The following RYR2 variants were observed in gnomAD, a reference collection of about 807,000 sequenced individuals.
RYR2 encodes the protein cardiac muscle ryanodine receptor-calcium release channel.
RYR2 carries 227 observed loss-of-function variants against 601.1 expected under a neutral mutation model. The observed-to-expected ratio is 0.38, with a 90% CI of 0.34 to 0.42. The LOEUF (loss-of-function observed/expected upper bound fraction) is 0.42. RYR2 is among the 10% of genes least tolerant of loss of function. The pLI is 1.00. For missense variants in RYR2, 4,646 were observed against 6,156.5 expected, an observed-to-expected ratio of 0.75 and a Z score of 8.21; for synonymous variants, 2,223 against 2,175.1, an observed-to-expected ratio of 1.02 and a Z score of -0.61.
chr1:237,140,025 T>C (rs1673215358), intron 1 of RYR2, among the ~76,000 whole-genome samples: 1 of 152,228 alleles, frequency 6.6e-6, no homozygotes, highest in Non-Finnish European at 1.5e-5. Flanking sequence ...TGTCTGACTC[T>C]AACACATTTG....
intron 1 of RYR2, among the ~76,000 whole-genome samples, chr1:237,074,984 T>C (rs1484807114): frequency 2.0e-5 from 3 of 152,060 alleles, no homozygotes; most frequent in East Asian, 1.9e-4. Context: ...TGATTCCACA[T>C]GTTTGGGAGC....
chr1:237,381,048 A>G (rs1282276286), intron 8 of RYR2, among the ~76,000 whole-genome samples: 1 of 152,046 alleles, frequency 6.6e-6, no homozygotes, highest in African/African-American at 2.4e-5. Context: ...ATTGCATTCC[A>G]GCCTGGGCGA....
At chr1:237,107,981 G>A (rs532528949) in intron 1 of RYR2, among the ~76,000 whole-genome samples, 123 of 152,272 alleles carry the variant, frequency 8.1e-4, no homozygotes, top group African/African-American at 2.8e-3. Flanking sequence ...AAAAGGTTCC[G>A]GTCCTGAGCT....
rs189890005 is a variant in RYR2, at chr1:237,477,145, C to T, written c.1708+7958C>T. 1.2e-3 allele frequency among the ~76,000 whole-genome samples: 176 copies of T among 152,250 alleles called. 1 individual carries two copies. Among genetic ancestry groups the T allele is most frequent in the African/African-American group, 4.1e-3 (170 of 41,562 alleles). ...TGGTGGCTCACACCTGTAATCCCAG[C>T]ACTTTGGGAGGCCGAGGCAGGCGGA... is the stretch of plus-strand genomic sequence containing the variant. On this transcript the variant is annotated intron_variant, in intron 17 of 104. Transcript: ENST00000366574.
intron 2 of RYR2, among the ~76,000 whole-genome samples, chr1:237,317,390 C>A (rs1181614801): frequency 6.6e-6 from 1 of 152,132 alleles, no homozygotes; most frequent in Non-Finnish European, 1.5e-5. Context: ...AACATAGTTG[C>A]AGATATTCAA....
intron 38 of RYR2, among the ~76,000 whole-genome samples, chr1:237,623,074 A>G (rs1679237677): frequency 6.6e-6 from 1 of 152,262 alleles, no homozygotes; most frequent in South Asian, 2.1e-4. Flanking sequence ...GATGTTAGCT[A>G]GAAAATAATG....
intron 1 of RYR2, among the ~76,000 whole-genome samples, chr1:237,047,906 A>G (rs1287902868): frequency 6.6e-6 from 1 of 152,176 alleles, no homozygotes; most frequent in Non-Finnish European, 1.5e-5. Context: ...ACAGAGTCTG[A>G]AAAGACTTAA....
intron 1 of RYR2, among the ~76,000 whole-genome samples, chr1:237,167,871 C>G (rs949891654): frequency 1.3e-5 from 2 of 151,976 alleles, no homozygotes; most frequent in African/African-American, 4.8e-5. Flanking sequence ...GGACAATAGG[C>G]ACATGCCACT....
chr1:237,651,357 T>A, intron 50 of RYR2, 54 bp from the exon 51 acceptor site: 1 of 1,183,672 alleles, frequency 8.4e-7, no homozygotes, highest in Middle Eastern at 1.9e-4. Context: ...ATGAATGATC[T>A]ACTTAGTTTA....
intron 1 of RYR2, among the ~76,000 whole-genome samples, chr1:237,048,781 G>T (rs973689818): frequency 6.6e-6 from 1 of 152,160 alleles, no homozygotes; most frequent in Non-Finnish European, 1.5e-5. Context: ...GGTTTCCCAT[G>T]ATGCTTGGTG....
At chr1:237,576,104 G>T (rs761476294) in intron 29 of RYR2, among the ~76,000 whole-genome samples, 2 of 152,150 alleles carry the variant, frequency 1.3e-5, no homozygotes, top group Non-Finnish European at 2.9e-5. Flanking sequence ...TTTATTAAAA[G>T]ACTTATTACC....
At position 237,700,482 on chromosome 1, in the gene RYR2, A is replaced by G; in HGVS notation, c.9367+15A>G. On this transcript the variant is annotated intron_variant, in intron 65 of 104. Transcript: ENST00000366574. Reference sequence around the variant, plus strand: ...AGACCTAATATGTATGTAAATTTATATCTTGGAGTTTTTTTTTTTTTAATC... The same window carrying G: ...AGACCTAATATGTATGTAAATTTATGTCTTGGAGTTTTTTTTTTTTTAATC... The G allele has an allele frequency of 7.5e-7, 1 of 1,336,896 alleles. No homozygotes were observed. The highest frequency in any genetic ancestry group is 1.0e-6 in the Non-Finnish European group (1 of 958,810). The allele number at this position is 1,336,896 out of a possible 1,614,324, so 82.8% of individuals were successfully genotyped here. A position where few individuals can be genotyped will look rare whatever the true frequency, so the allele number is the denominator to read the frequency against.
At chr1:237,508,847 A>G (rs906234640) in intron 23 of RYR2, among the ~76,000 whole-genome samples, 2 of 136,542 alleles carry the variant, frequency 1.5e-5, no homozygotes, top group African/African-American at 5.5e-5. Context: ...GGTTCACGCC[A>G]TTCTCCTGCC....
At chr1:237,307,091 G>A (rs1241200281) in intron 2 of RYR2, among the ~76,000 whole-genome samples, 9 of 151,972 alleles carry the variant, frequency 5.9e-5, no homozygotes, top group African/African-American at 1.7e-4. Flanking sequence ...CCATTTCGTG[G>A]GCTGTATTTG....
chr1:237,723,862 T>G (rs1202361162), intron 74 of RYR2, among the ~76,000 whole-genome samples: 1 of 152,104 alleles, frequency 6.6e-6, no homozygotes, highest in Non-Finnish European at 1.5e-5. Context: ...CAGTTTGATA[T>G]TCATTACCTT....
intron 1 of RYR2, among the ~76,000 whole-genome samples, chr1:237,177,300 A>G (rs1437680631): frequency 1.3e-5 from 2 of 152,226 alleles, no homozygotes; most frequent in East Asian, 1.9e-4. Flanking sequence ...TTAAAATAAC[A>G]TTACAGATAT....
At chr1:237,426,996 A>T (rs1417337538) in intron 12 of RYR2, among the ~76,000 whole-genome samples, 1 of 152,196 alleles carries the variant, frequency 6.6e-6, no homozygotes, top group Non-Finnish European at 1.5e-5. Flanking sequence ...TGAAACAAAC[A>T]TCAAAGATCT....
intron 101 of RYR2, among the ~76,000 whole-genome samples, chr1:237,823,001 G>A (rs1392027322): frequency 6.6e-6 from 1 of 152,158 alleles, no homozygotes; most frequent in African/African-American, 2.4e-5. Flanking sequence ...AAATATATAT[G>A]CACCCAATAC....
At chr1:237,785,361 A>G (rs1695464433) in intron 90 of RYR2, among the ~76,000 whole-genome samples, 1 of 152,136 alleles carries the variant, frequency 6.6e-6, no homozygotes, top group African/African-American at 2.4e-5. Context: ...TTTTCATTGT[A>G]TGTTCTTTGT....
Sources: gnomAD v4.1 joint callset for allele counts (sites outside exome capture counted in the v4.1 genomes callset) on GRCh38, gnomAD v4.1.1 for gene constraint, MANE v1.5 for transcripts, NCBI Gene and HGNC (gene_info 2026-07-23, HGNC 2026-07-21) for gene names.